ANKRD31: variants seen among roughly 807,000 people sequenced by gnomAD.
ANKRD31 encodes ankyrin repeat domain-containing protein 31.
A neutral mutation model predicts 186.0 loss-of-function variants in ANKRD31; 147 were observed. The ratio of observed to expected loss-of-function variants is 0.79; its 90% CI spans 0.69 to 0.91. ANKRD31 has a LOEUF of 0.91. ANKRD31 is among the 40% of genes least tolerant of loss of function. The pLI is 0.00. For missense variants in ANKRD31, 1,986 were observed against 2,148.8 expected, an observed-to-expected ratio of 0.92 and a Z score of 1.50; for synonymous variants, 673 against 736.4, an observed-to-expected ratio of 0.91 and a Z score of 1.39.
intron 17 of ANKRD31, among the ~76,000 whole-genome samples, chr5:75,122,491 C>T (rs1314952441): frequency 6.6e-6 from 1 of 151,720 alleles, no homozygotes; most frequent in Non-Finnish European, 1.5e-5. Context: ...AAAAAAACTA[C>T]AGACCAATAT....
chr5:75,146,404 C>T lies in ANKRD31; in HGVS notation c.3007G>A (p.Gly1003Ser), dbSNP rs1161429566. 1 of 1,536,440 alleles carries T rather than the reference C, an allele frequency of 6.5e-7. No homozygotes were observed. The highest frequency in any genetic ancestry group is 1.7e-4 in the Middle Eastern group (1 of 5,980). ...GCCAGGGAATTTTGCTCAGGATTGC[C>T]ATTTGAGTGATCAAAAGAAGGTCCA... ...IFGPSFDHSN[G>S]NPEQNSLACM... The change falls in exon 14 of 26, where the codon GGC becomes AGC. Residue 1003 changes from glycine to serine, a missense_variant. Coordinates refer to ENST00000506364, the MANE Select transcript of ANKRD31 (RefSeq NM_001372053.1).
chr5:75,100,479 G>C (rs188499674), intron 22 of ANKRD31, among the ~76,000 whole-genome samples: 16 of 152,236 alleles, frequency 1.1e-4, no homozygotes, highest in African/African-American at 3.6e-4. Flanking sequence ...GCATATCCTT[G>C]TTAACTTTCT....
chr5:75,134,120 C>G (rs9713218), intron 17 of ANKRD31, among the ~76,000 whole-genome samples: 185 of 151,828 alleles, frequency 1.2e-3, no homozygotes, highest in African/African-American at 4.3e-3. Context: ...GAAGCAAGAG[C>G]AAACACATTC....
At chr5:75,094,903 C>T (rs576242730) in intron 22 of ANKRD31, among the ~76,000 whole-genome samples, 1 of 152,006 alleles carries the variant, frequency 6.6e-6, no homozygotes, top group Non-Finnish European at 1.5e-5. Flanking sequence ...ATCAAACAAA[C>T]TAGATCTTAA....
At chr5:75,108,331 A>T (rs951613135) in intron 20 of ANKRD31, among the ~76,000 whole-genome samples, 1 of 152,016 alleles carries the variant, frequency 6.6e-6, no homozygotes, top group African/African-American at 2.4e-5. Context: ...CCATTACAAT[A>T]ATTACTTAAA....
chr5:75,111,675 C>T (rs573810936), intron 20 of ANKRD31, among the ~76,000 whole-genome samples: 44 of 152,136 alleles, frequency 2.9e-4, no homozygotes, highest in Non-Finnish European at 5.4e-4. Flanking sequence ...AACTACTTTC[C>T]ACCTTATAAA....
At chr5:75,088,500 C>T (rs531251763) in intron 23 of ANKRD31, among the ~76,000 whole-genome samples, 1 of 152,334 alleles carries the variant, frequency 6.6e-6, no homozygotes, top group Admixed American at 6.5e-5. Context: ...AACTGTATCA[C>T]AGAAAGGCAT....
intron 14 of ANKRD31, 93 bp downstream of exon 14, chr5:75,145,894 T>C: frequency 9.0e-7 from 1 of 1,113,404 alleles, no homozygotes; most frequent in East Asian, 2.7e-5. Context: ...CTTCTCAGTT[T>C]GGCCATCGTT....
chr5:75,198,510 G>A (rs943928373), intron 6 of ANKRD31, among the ~76,000 whole-genome samples: 1 of 152,212 alleles, frequency 6.6e-6, no homozygotes, highest in African/African-American at 2.4e-5. Context: ...TCCAAACCAT[G>A]TGCATTGGGG....
At chr5:75,088,945 T>C (rs1343081243) in intron 23 of ANKRD31, among the ~76,000 whole-genome samples, 1 of 152,182 alleles carries the variant, frequency 6.6e-6, no homozygotes, top group Non-Finnish European at 1.5e-5. Context: ...AAAGGTGAAA[T>C]GGCTTGACCT....
At chr5:75,145,697 G>A (rs1038819744) in intron 14 of ANKRD31, among the ~76,000 whole-genome samples, 5 of 151,766 alleles carry the variant, frequency 3.3e-5, no homozygotes, top group South Asian at 2.1e-4. Context: ...AAATCTGCAC[G>A]TTCTACACAT....
intron 7 of ANKRD31, among the ~76,000 whole-genome samples, chr5:75,194,581 A>C (rs1755332761): frequency 6.6e-6 from 1 of 152,138 alleles, no homozygotes; most frequent in South Asian, 2.1e-4. Context: ...CATTTTGGTA[A>C]TCGGAAGATA....
intron 10 of ANKRD31, among the ~76,000 whole-genome samples, chr5:75,174,525 G>A (rs10076950): frequency 0.51 from 77,247 of 151,942 alleles, 22,689 homozygotes; most frequent in African/African-American, 0.82. Context: ...AAGGAACTTA[G>A]ATAAATTTAC....
Position 75,195,769 on chromosome 5 carries a change from C to T in ANKRD31, c.879G>A (p.Leu293=). Residue 293 remains leucine, a synonymous_variant, in exon 7 of 26, where the codon CTG becomes CTA. Coordinates refer to ENST00000506364, the MANE Select transcript of ANKRD31 (RefSeq NM_001372053.1). ...CCACCTTGGCTTCTGACAATGTGTT[C>T]AGGGCTTCCAATAACTCAGCTGGCA... ...DALPAELLEA[L]NTLSEAKVET... 1 of 1,537,498 alleles carries T rather than the reference C, an allele frequency of 6.5e-7. No homozygotes were observed. The highest frequency in any genetic ancestry group is 8.7e-7 in the Non-Finnish European group (1 of 1,146,904).
rs193163353 is a variant in ANKRD31 at position 75,151,705 on chromosome 5, T to C, written c.1852+2496A>G. On this transcript the variant is annotated intron_variant, in intron 12 of 25. Transcript: ENST00000506364. ...ACTTTAAATTTCATTTAAAACCATTTAGATCGGGAAAAGATCTTTTCTAAT... is the reference window on the plus strand; with the variant it reads ...ACTTTAAATTTCATTTAAAACCATTCAGATCGGGAAAAGATCTTTTCTAAT... Among the ~76,000 whole-genome samples the C allele has an allele frequency of 7.7e-4, 117 of 152,188 alleles. 1 individual carries two copies. Among genetic ancestry groups the C allele is most frequent in the Admixed American group, 5.8e-3 (88 of 15,246 alleles).
At chr5:75,176,777 T>C (rs991441061) in intron 10 of ANKRD31, among the ~76,000 whole-genome samples, 7 of 151,856 alleles carry the variant, frequency 4.6e-5, no homozygotes, top group Non-Finnish European at 8.8e-5. Context: ...ACCACAAAGA[T>C]GGGGAAAAAA....
intron 17 of ANKRD31, among the ~76,000 whole-genome samples, chr5:75,122,276 TA>T (rs1197129434): frequency 1.2e-3 from 143 of 117,464 alleles, no homozygotes; most frequent in African/African-American, 6.1e-3. Flanking sequence ...AACAGACCAA[TA>T]AAAAAAATCC....
chr5:75,073,917 T>C (rs567981171), intron 25 of ANKRD31, among the ~76,000 whole-genome samples: 1 of 152,336 alleles, frequency 6.6e-6, no homozygotes, highest in African/African-American at 2.4e-5. Flanking sequence ...TAGGGTATCA[T>C]GGTTTTGATT....
chr5:75,124,298 T>A (rs1749030095), intron 17 of ANKRD31, among the ~76,000 whole-genome samples: 1 of 152,152 alleles, frequency 6.6e-6, no homozygotes, highest in Admixed American at 6.6e-5. Context: ...TTGATGAGTA[T>A]GTGGAGAAAA....
Sources: allele counts gnomAD v4.1 joint callset (sites outside exome capture counted in the v4.1 genomes callset), GRCh38; gene constraint gnomAD v4.1.1; transcripts MANE v1.5; gene names NCBI Gene and HGNC (gene_info 2026-07-23, HGNC 2026-07-21).